The following SRGAP2 variants were observed in gnomAD, a reference collection of about 807,000 sequenced individuals.
SRGAP2 encodes the protein SLIT-ROBO Rho GTPase-activating protein 2.
Under a neutral mutation model 57.2 loss-of-function variants are expected in SRGAP2, and 15 were observed. The observed-to-expected ratio is 0.26, with a 90% confidence interval of 0.18 to 0.40. SRGAP2 has a LOEUF of 0.40. Ranked by LOEUF, SRGAP2 falls within the 10% of genes least tolerant of loss-of-function variation. SRGAP2 has a pLI of 1.00. For synonymous variants in SRGAP2, 249 were observed against 248.0 expected (o/e 1.00, Z -0.04); for missense variants, 520 against 669.6 (o/e 0.78, Z 2.47).
At chr1:206,285,872 G>T (rs2102701730) in intron 2 of SRGAP2, among the ~76,000 whole-genome samples, 2 of 152,184 alleles carry the variant, frequency 1.3e-5, no homozygotes, top group African/African-American at 4.8e-5. Flanking sequence ...TGCCATGTTG[G>T]CCAGGCTGGT....
Position 206,393,587 on chromosome 1 carries a change from G to T in SRGAP2, c.745G>T (p.Ala249Ser). The T allele has an allele frequency of 1.3e-6, 1 of 778,134 alleles. No homozygotes were observed. Among genetic ancestry groups the T allele is most frequent in the South Asian group, 1.3e-5 (1 of 74,076 alleles). 48.2% of individuals were successfully genotyped at this position (778,134 alleles called of 1,614,324 possible). ...YTENKLKAIK[A>S]RNEYLLALEA... is the part of the protein sequence containing the mutation. ...GGAGAATAAGCTGAAGGCCATCAAA[G>T]CCCGGAATGAGTACTTGCTGGCTTT... Residue 249 changes from alanine (A) to serine (S), a missense_variant, in exon 7 of 23, where the codon GCC (alanine) becomes TCC (serine). By Grantham distance (99) the Ala-to-Ser change is moderately conservative (BLOSUM62 1). Coordinates refer to ENST00000573034, the MANE Select transcript of SRGAP2 (RefSeq NM_015326.5).
chr1:206,429,607 C>T (rs782249086), intron 13 of SRGAP2, among the ~76,000 whole-genome samples: 4 of 152,200 alleles, frequency 2.6e-5, no homozygotes, highest in Non-Finnish European at 5.9e-5. Context: ...GTAGCAGAAG[C>T]TAGGGGAAAG....
At chr1:206,230,532 C>G (rs1480776385) in intron 2 of SRGAP2, among the ~76,000 whole-genome samples, 2 of 150,724 alleles carry the variant, frequency 1.3e-5, no homozygotes, top group Admixed American at 1.3e-4. Flanking sequence ...GTACTCAACA[C>G]ATGATTATGT....
At chr1:206,386,722 C>T (rs546746817) in intron 5 of SRGAP2, among the ~76,000 whole-genome samples, 1 of 143,156 alleles carries the variant, frequency 7.0e-6, no homozygotes, top group East Asian at 2.0e-4. Flanking sequence ...TGGCGTGAAC[C>T]TGGGAGGCAG....
At chr1:206,430,124 T>G (rs1661165257) in intron 13 of SRGAP2, 38 bp from the exon 14 acceptor site, 2 of 780,388 alleles carry the variant, frequency 2.6e-6, no homozygotes, top group Admixed American at 3.4e-5. Context: ...TATCCCTGTT[T>G]GAATATTCTA....
At chr1:206,243,633 G>A (rs1668372627) in intron 2 of SRGAP2, among the ~76,000 whole-genome samples, 1 of 152,152 alleles carries the variant, frequency 6.6e-6, no homozygotes, top group African/African-American at 2.4e-5. Flanking sequence ...ATGGAGGAGG[G>A]GTGACTCTCT....
intron 3 of SRGAP2, among the ~76,000 whole-genome samples, chr1:206,305,981 G>A (rs1672171964): frequency 6.6e-6 from 1 of 151,588 alleles, no homozygotes; most frequent in Non-Finnish European, 1.5e-5. Context: ...GAAGACTTAG[G>A]GGAGGAATCA....
chr1:206,430,414 A>G (rs1379422749), intron 14 of SRGAP2, among the ~76,000 whole-genome samples, 192 bp downstream of exon 14: 5 of 152,224 alleles, frequency 3.3e-5, no homozygotes, highest in Non-Finnish European at 5.9e-5. Context: ...AATGCATCAT[A>G]TATTTTGACA....
Position 206,432,634 on chromosome 1 carries a change from GA to G in SRGAP2, c.1555+2413del, listed in dbSNP as rs1167183315. Among the ~76,000 whole-genome samples, 9 of 152,102 alleles carry G rather than the reference GA, an allele frequency of 5.9e-5. 1 individual carries two copies. The highest frequency in any genetic ancestry group is 4.6e-4 in the Admixed American group (7 of 15,272). On this transcript the variant is annotated intron_variant, in intron 14 of 22. Transcript: ENST00000573034. The stretch of plus-strand genomic sequence containing the variant: ...TGAACTAATATGGAGAGATTCCCAG[GA>G]TATGTTGTTAAGTGAAAAAAACAAA...
At chr1:206,419,275 G>A (rs1660080295) in intron 11 of SRGAP2, 98 bp from the exon 12 acceptor site, 2 of 750,206 alleles carry the variant, frequency 2.7e-6, no homozygotes, top group African/African-American at 3.4e-5. Context: ...TACTGTGGCT[G>A]TCTAGGGGAG....
At position 206,247,479 on chromosome 1, in the gene SRGAP2, T is replaced by C. The variant is rs1247665601; in HGVS notation, c.67+41442T>C. On this transcript the variant is annotated intron_variant, in intron 2 of 22. Coordinates refer to ENST00000573034, the MANE Select transcript of SRGAP2 (RefSeq NM_015326.5). ...AGGGAGCCTCCATACTGTGGGGGTG[T>C]TTCTAAGAGCAGCCTGGTCCTTAAT... is the stretch of plus-strand genomic sequence containing the variant. Among the ~76,000 whole-genome samples, 5 of 151,956 alleles carry C rather than the reference T, an allele frequency of 3.3e-5. No homozygotes were observed. The East Asian group carries it at 9.7e-4, about 30-fold the overall frequency.
Position 206,449,286 on chromosome 1 carries a change from A to ATTTTTTTGTT in SRGAP2, c.2100-1093_2100-1092insGTTTTTTTTT, listed in dbSNP as rs1489255492. On this transcript the variant is annotated intron_variant, in intron 18 of 22. Transcript: ENST00000573034. ...ATTTCTCGATTCCTTACACTGGATG[A>ATTTTTTTGTT]TTTTTTTTTTTTTTTTTTTTTTTTA... 3.2e-3 allele frequency among the ~76,000 whole-genome samples: 355 copies of ATTTTTTTGTT among 110,702 alleles called. 5 individuals carry two copies. The highest frequency in any genetic ancestry group is 4.0e-3 in the Non-Finnish European group (221 of 55,942). 72.6% of individuals were successfully genotyped at this position (110,702 alleles called of 152,430 possible).
In SRGAP2 at chr1:206,294,742, A is replaced by G. The variant is rs1160266620; in HGVS notation, c.68-8539A>G. 4.7e-5 allele frequency among the ~76,000 whole-genome samples: 7 copies of G among 149,884 alleles called. No individual in the cohort carries two copies. The East Asian group carries it at 7.8e-4, about 17-fold the overall frequency. The stretch of plus-strand genomic sequence containing the variant: ...ATGTTCACTCCATTTCTTCATTTAG[A>G]CAGCATAGGACTCCATCCAGCAGAC... On this transcript the variant is annotated intron_variant, in intron 2 of 22. Transcript: ENST00000573034.
chr1:206,267,856 T>C (rs1669956150), intron 2 of SRGAP2, among the ~76,000 whole-genome samples: 1 of 150,914 alleles, frequency 6.6e-6, no homozygotes, highest in Non-Finnish European at 1.5e-5. Context: ...ATGGGTTTTA[T>C]GCAGAGTGAA....
chr1:206,263,737 C>T (rs1207945111), intron 2 of SRGAP2, among the ~76,000 whole-genome samples: 3 of 152,184 alleles, frequency 2.0e-5, no homozygotes, highest in Non-Finnish European at 4.4e-5. Context: ...ACACAGAAGT[C>T]TCTTCTCTAA....
chr1:206,247,423 C>T (rs1290610310), intron 2 of SRGAP2, among the ~76,000 whole-genome samples: 1 of 150,660 alleles, frequency 6.6e-6, no homozygotes, highest in East Asian at 2.0e-4. Flanking sequence ...TATTTGGTTG[C>T]CCAACTCTGA....
At chr1:206,456,971 T>A (rs1663892303) in intron 21 of SRGAP2, among the ~76,000 whole-genome samples, 1 of 152,180 alleles carries the variant, frequency 6.6e-6, no homozygotes, top group African/African-American at 2.4e-5. Flanking sequence ...CATCCCTGAC[T>A]TCCCCAGGCT....
chr1:206,226,996 G>C (rs1404879220), intron 2 of SRGAP2, among the ~76,000 whole-genome samples: 1 of 152,060 alleles, frequency 6.6e-6, no homozygotes, highest in Non-Finnish European at 1.5e-5. Flanking sequence ...CTAAGCATGA[G>C]TGCGAGCCTC....
intron 4 of SRGAP2, among the ~76,000 whole-genome samples, chr1:206,370,825 A>G (rs1654482303): frequency 6.6e-6 from 1 of 152,232 alleles, no homozygotes; most frequent in African/African-American, 2.4e-5. Context: ...CTCAATGTGT[A>G]GATCAAGTAG....
Sources: gnomAD v4.1 joint callset for allele counts (sites outside exome capture counted in the v4.1 genomes callset) on GRCh38, gnomAD v4.1.1 for gene constraint, MANE v1.5 for transcripts, NCBI Gene and HGNC (gene_info 2026-07-23, HGNC 2026-07-21) for gene names.